NCAPG: variants seen among roughly 807,000 people sequenced by gnomAD.
The protein encoded by NCAPG is non-SMC condensin I complex subunit G.
A neutral mutation model predicts 113.1 loss-of-function variants in NCAPG; 69 were observed. The observed-to-expected ratio is 0.61, with a 90% CI of 0.50 to 0.75. The LOEUF (loss-of-function observed/expected upper bound fraction) is 0.75, where lower values mean the gene tolerates loss of function less well. NCAPG is among the 30% of genes least tolerant of loss of function. The probability of loss-of-function intolerance (pLI) is 0.00; values close to 1 mark genes in which losing one functional copy is unlikely to be tolerated. For missense variants in NCAPG, 1,058 were observed against 1,177.0 expected (o/e 0.90, Z 1.48); for synonymous variants, 370 against 415.8 (o/e 0.89, Z 1.34).
intron 14 of NCAPG, among the ~76,000 whole-genome samples, chr4:17,836,396 T>C (rs1380308811): frequency 1.3e-5 from 2 of 152,162 alleles, no homozygotes; most frequent in Non-Finnish European, 2.9e-5. Context: ...AGGTTGTCTT[T>C]TTACTTTCTT....
At chr4:17,822,298 A>G (rs1721490987) in intron 7 of NCAPG, among the ~76,000 whole-genome samples, 1 of 151,330 alleles carries the variant, frequency 6.6e-6, no homozygotes, top group Admixed American at 6.6e-5. Flanking sequence ...GATTCAAGCA[A>G]TTCTTCTGCC....
Position 17,811,066 on chromosome 4 carries a change from G to T in NCAPG, c.-12G>T. The T allele has an allele frequency of 4.1e-6, 6 of 1,465,956 alleles. No homozygotes were observed. The highest frequency in any genetic ancestry group is 5.4e-6 in the Non-Finnish European group (6 of 1,101,146). The allele number at this position is 1,465,956 out of a possible 1,614,324, so 90.8% of individuals were successfully genotyped here. On this transcript the variant is annotated 5_prime_UTR_variant, in exon 1 of 21. Transcript: ENST00000251496. This position sits in a 1 kb window ranked among gnomAD's most constrained non-coding sequence, Gnocchi z 5.3. ...GCGCGGGCAGGACTCGTCCCGGCAG[G>T]GTTCCAGAGCCATGGGAGCGGAAAG...
rs1467534440 is a variant in NCAPG at position 17,844,394 on chromosome 4, T to C, written c.*969T>C. 2 of 152,538 alleles carry C rather than the reference T, an allele frequency of 1.3e-5. No individual in the cohort carries two copies. Among genetic ancestry groups the C allele is most frequent in the Middle Eastern group, 3.4e-3 (1 of 294 alleles). The allele number at this position is 152,538 out of a possible 1,614,324, so 9.4% of individuals were successfully genotyped here. On this transcript the variant is annotated 3_prime_UTR_variant, in exon 21 of 21. Coordinates refer to ENST00000251496, the MANE Select transcript of NCAPG (RefSeq NM_022346.5). ...TTTGTTTTAATAATTGTGCTTTTTTTAGGCTTATCATCTACTAGAGGCCAT... is the reference window on the plus strand; with the variant it reads ...TTTGTTTTAATAATTGTGCTTTTTTCAGGCTTATCATCTACTAGAGGCCAT...
intron 13 of NCAPG, among the ~76,000 whole-genome samples, chr4:17,833,909 G>A (rs907370801): frequency 6.6e-6 from 1 of 152,004 alleles, no homozygotes; most frequent in African/African-American, 2.4e-5. Context: ...TGACAGATGG[G>A]CTAGAACACT....
At chr4:17,830,783 A>C (rs556368465) in intron 12 of NCAPG, among the ~76,000 whole-genome samples, 105 of 152,320 alleles carry the variant, frequency 6.9e-4, no homozygotes, top group Non-Finnish European at 1.4e-3. Flanking sequence ...TTCTGTGAGC[A>C]TTGGGAAACC....
At chr4:17,823,574 C>T in intron 8 of NCAPG, 73 bp from the exon 9 acceptor site, 2 of 1,327,080 alleles carry the variant, frequency 1.5e-6, no homozygotes, top group Non-Finnish European at 1.1e-6. Flanking sequence ...ATTAAGTTTG[C>T]AGAGTAGGTG....
chr4:17,826,347 A>G lies in NCAPG; in HGVS notation c.1653+786A>G, dbSNP rs557810184. 5.9e-5 allele frequency among the ~76,000 whole-genome samples: 9 copies of G among 152,270 alleles called. No individual in the cohort carries two copies. In the East Asian group the frequency reaches 1.7e-3, roughly 29 times the overall value. ...TATTCTCATAAAAAGAATGCTAAAT[A>G]GGAGACTCTTTTATATAGGAGAGTT... On this transcript the variant is annotated intron_variant, in intron 11 of 20. Coordinates refer to ENST00000251496, the MANE Select transcript of NCAPG (RefSeq NM_022346.5).
At position 17,823,717 on chromosome 4, in the gene NCAPG, C is replaced by G; in HGVS notation, c.1330C>G (p.Leu444Val). 1.2e-6 allele frequency: 2 copies of G among 1,604,148 alleles called. No individual in the cohort carries two copies. Among genetic ancestry groups the G allele is most frequent in the Non-Finnish European group, 1.7e-6 (2 of 1,171,472 alleles). Residue 444 changes from leucine (L) to valine (V), a missense_variant, in exon 9 of 21, where the codon CTT becomes GTT. Physicochemically the swap from Leu to Val is conservative, Grantham distance 32. Transcript: ENST00000251496. ...AATCCCAATATCCCTGGTTTCTTTT[C>G]TTGTTGAAAGACTACTCCACATCAT... ...PTIPISLVSF[L>V]VERLLHIIID...
chr4:17,814,839 T>G lies in NCAPG; in HGVS notation c.545-14T>G, dbSNP rs564546524. 2 of 1,609,218 alleles carry G rather than the reference T, an allele frequency of 1.2e-6. No homozygotes were observed. Among genetic ancestry groups the G allele is most frequent in the Non-Finnish European group, 8.5e-7 (1 of 1,176,108 alleles). On this transcript the variant is annotated splice_polypyrimidine_tract_variant and intron_variant, in intron 3 of 20. Transcript: ENST00000251496. ...TAATTTCATCAGTACTAAAATGTAT[T>G]GCTTTATTTTTAGCATATGCTACTT...
rs756450442 is a variant in NCAPG at position 17,843,365 on chromosome 4, C to G, written c.2988C>G (p.Thr996=). 2.5e-6 allele frequency: 4 copies of G among 1,611,738 alleles called. No homozygotes were observed. The highest frequency in any genetic ancestry group is 3.4e-6 in the Non-Finnish European group (4 of 1,178,304). The change falls in exon 21 of 21, where the codon ACC becomes ACG. Residue 996 remains threonine, a synonymous_variant. Transcript: ENST00000251496. ...MKMRLPRRAK[T]AALEKSKLNL... ...TGAGACTACCAAGACGAGCCAAAAC[C>G]GCAGCACTAGAAAAAAGTAAACTTA...
Position 17,817,337 on chromosome 4 carries a change from G to T in NCAPG, c.852G>T (p.Leu284Phe), listed in dbSNP as rs141939992. The T allele has an allele frequency of 1.2e-6, 2 of 1,614,072 alleles. No individual in the cohort carries two copies. The highest frequency in any genetic ancestry group is 8.5e-7 in the Non-Finnish European group (1 of 1,179,946). The change falls in exon 6 of 21, where the codon TTG (leucine) becomes TTT (phenylalanine). Residue 284 changes from leucine (L) to phenylalanine (F), a missense_variant. By Grantham distance (22) the Leu-to-Phe change is conservative. Coordinates refer to ENST00000251496, the MANE Select transcript of NCAPG (RefSeq NM_022346.5). ...TCTCTGAAGGAAATATCTTAGAGTT[G>T]CTCCATCGGTTGGATGTAGAAAATT... ...LRFSEGNILE[L>F]LHRLDVENSS...
At position 17,834,339 on chromosome 4, in the gene NCAPG, T is replaced by C; in HGVS notation, c.1925T>C (p.Leu642Ser). The C allele has an allele frequency of 6.2e-7, 1 of 1,604,658 alleles. No homozygotes were observed. Among genetic ancestry groups the C allele is most frequent in the Non-Finnish European group, 8.5e-7 (1 of 1,175,444 alleles). The change falls in exon 14 of 21, where the codon TTA becomes TCA. Residue 642 changes from leucine (L) to serine (S), a missense_variant. Coordinates refer to ENST00000251496, the MANE Select transcript of NCAPG (RefSeq NM_022346.5). ...GATGTCACAATAAAAATAAGTGCTT[T>C]AAAGGCAATCTTTGACCAACTGATG... Reference protein sequence around the residue: ...IDDVTIKISALKAIFDQLMTF... With the variant: ...IDDVTIKISASKAIFDQLMTF...
chr4:17,837,406 T>C (rs1722146031), intron 15 of NCAPG, 66 bp downstream of exon 15: 1 of 1,401,902 alleles, frequency 7.1e-7, no homozygotes, highest in Non-Finnish European at 9.8e-7. Context: ...CCATGAATTA[T>C]ATCTATAATG....
chr4:17,817,295 TC>T lies in NCAPG; in HGVS notation c.811del (p.Gln271LysfsTer12). The T allele has an allele frequency of 6.2e-7, 1 of 1,614,072 alleles. No individual in the cohort carries two copies. Among genetic ancestry groups the T allele is most frequent in the Non-Finnish European group, 8.5e-7 (1 of 1,179,962 alleles). On this transcript the variant is annotated frameshift_variant, in exon 6 of 21. Transcript: ENST00000251496. LOFTEE classifies it high-confidence loss of function. ...VKQAMQKHLL[Q>X]GWLRFSEGNI... ...AACAAGCTATGCAGAAGCATCTTCT[TC>T]AAGGCTGGTTACGGTTCTCTGAAGG... is the stretch of plus-strand genomic sequence containing the variant.
chr4:17,816,982 G>A (rs1040075382), intron 5 of NCAPG, among the ~76,000 whole-genome samples: 1 of 152,088 alleles, frequency 6.6e-6, no homozygotes. Flanking sequence ...GCGTGGTGGC[G>A]CATGCCTGTA....
At chr4:17,826,250 C>CTTTA (rs1721653281) in intron 11 of NCAPG, among the ~76,000 whole-genome samples, 1 of 152,000 alleles carries the variant, frequency 6.6e-6, no homozygotes, top group Non-Finnish European at 1.5e-5. Flanking sequence ...TTGATATTAA[C>CTTTA]TTTAATTTCT....
At chr4:17,831,222 T>G in intron 13 of NCAPG, 106 bp downstream of exon 13, 7 of 1,204,786 alleles carry the variant, frequency 5.8e-6, no homozygotes, top group South Asian at 3.3e-5. Flanking sequence ...TGATGATGAT[T>G]ATTATGGATA....
intron 13 of NCAPG, among the ~76,000 whole-genome samples, chr4:17,831,841 A>G (rs1721881045): frequency 1.3e-5 from 2 of 152,218 alleles, no homozygotes; most frequent in South Asian, 4.1e-4. Context: ...TTCACTATAA[A>G]TGAGATGGAA....
In NCAPG at chr4:17,834,310, T is replaced by A; in HGVS notation, c.1896T>A (p.Ile632=). The A allele has an allele frequency of 6.3e-7, 1 of 1,583,394 alleles. No homozygotes were observed. Among genetic ancestry groups the A allele is most frequent in the Non-Finnish European group, 8.6e-7 (1 of 1,165,678 alleles). ...ATATCTTGATTTAGGTTTTGCAAAT[T>A]GATGATGTCACAATAAAAATAAGTG... ...HFVLLLQVLQ[I]DDVTIKISAL... The change falls in exon 14 of 21, where the codon ATT becomes ATA. Residue 632 remains isoleucine, a synonymous_variant. Coordinates refer to ENST00000251496, the MANE Select transcript of NCAPG (RefSeq NM_022346.5).
Sources: allele counts gnomAD v4.1 joint callset (sites outside exome capture counted in the v4.1 genomes callset), GRCh38; gene constraint gnomAD v4.1.1; non-coding constraint Gnocchi (gnomAD v3.1); transcripts MANE v1.5; gene names NCBI Gene and HGNC (gene_info 2026-07-23, HGNC 2026-07-21).